The following MYO5A variants were observed in gnomAD, a reference collection of about 807,000 sequenced individuals.
The protein encoded by MYO5A is myosin VA.
MYO5A carries 98 observed loss-of-function variants against 249.7 expected under a neutral mutation model. The observed-to-expected ratio is 0.39, with a 90% CI of 0.33 to 0.46. The LOEUF is 0.46. MYO5A is among the 20% of genes least tolerant of loss of function. The probability of loss-of-function intolerance (pLI) is 0.98; values close to 1 mark genes in which losing one functional copy is unlikely to be tolerated. For synonymous variants in MYO5A, 778 were observed against 810.6 expected (o/e 0.96, Z 0.68); for missense variants, 1,696 against 2,308.8 (o/e 0.73, Z 5.44).
At chr15:52,422,055 T>C (rs1267988213) in intron 4 of MYO5A, among the ~76,000 whole-genome samples, 1 of 152,104 alleles carries the variant, frequency 6.6e-6, no homozygotes, top group East Asian at 1.9e-4. Context: ...AAAATCCTAG[T>C]TACAGCATGA....
At position 52,309,995 on chromosome 15, in the gene MYO5A, T is replaced by C. The variant is rs1442030665; in HGVS notation, c.*3701A>G. The C allele has an allele frequency of 6.6e-6, 1 of 152,176 alleles. No individual in the cohort carries two copies. Among genetic ancestry groups the C allele is most frequent in the African/African-American group, 2.4e-5 (1 of 41,418 alleles). 9.4% of individuals were successfully genotyped at this position (152,176 alleles called of 1,614,324 possible). A position where few individuals can be genotyped will look rare whatever the true frequency, so the allele number is the denominator to read the frequency against. ...GCACTGAAATTATAATAATATAGTA[T>C]TTTCATAGCCTCCCCTAACATGTAG... On this transcript the variant is annotated 3_prime_UTR_variant, in exon 42 of 42. Coordinates refer to ENST00000399233, the MANE Select transcript of MYO5A (RefSeq NM_001382347.1).
rs1219096004 is a variant in MYO5A, at chr15:52,462,182, C to T, written c.28-28897G>A. 6.0e-5 allele frequency among the ~76,000 whole-genome samples: 9 copies of T among 151,090 alleles called. No homozygotes were observed. The East Asian group carries it at 1.2e-3, about 20-fold the overall frequency. ...TCAGGAGGCTGAGGCAGGAGAATGGCGTGAACCCAGGAGGCAGAGCTTGCA... is the reference window on the plus strand; with the variant it reads ...TCAGGAGGCTGAGGCAGGAGAATGGTGTGAACCCAGGAGGCAGAGCTTGCA... On this transcript the variant is annotated intron_variant, in intron 1 of 41. Transcript: ENST00000399233.
chr15:52,370,528 T>A, intron 21 of MYO5A, 111 bp from the exon 22 acceptor site: 1 of 1,212,512 alleles, frequency 8.2e-7, no homozygotes, highest in Non-Finnish European at 1.2e-6. Context: ...ATAACATTGA[T>A]ATAGTATCCA....
rs1567036709 is a variant in MYO5A, at chr15:52,343,183, T to C, written c.3974A>G (p.Asp1325Gly). 6.2e-7 allele frequency: 1 copy of C among 1,613,814 alleles called. No individual in the cohort carries two copies. Among genetic ancestry groups the C allele is most frequent in the South Asian group, 1.1e-5 (1 of 91,082 alleles). Residue 1325 changes from aspartate to glycine, a missense_variant, in exon 31 of 42, where the codon GAT becomes GGT. Coordinates refer to ENST00000399233, the MANE Select transcript of MYO5A (RefSeq NM_001382347.1). The part of the protein sequence containing the change: ...LKETNRSSAL[D>G]YHELNEDGEL... ...TCCATCCTCATTCAACTCATGGTAATCCAGAGCAGATGATCTTCCATGCAA... is the reference window on the plus strand; with the variant it reads ...TCCATCCTCATTCAACTCATGGTAACCCAGAGCAGATGATCTTCCATGCAA...
chr15:52,385,496 G>A (rs1012870206), intron 14 of MYO5A, among the ~76,000 whole-genome samples: 1 of 151,960 alleles, frequency 6.6e-6, no homozygotes, highest in Admixed American at 6.6e-5. Context: ...TATTAGATGT[G>A]GCCACAGAAG....
chr15:52,485,410 T>G (rs938014830), intron 1 of MYO5A, among the ~76,000 whole-genome samples: 1 of 152,170 alleles, frequency 6.6e-6, no homozygotes, highest in African/African-American at 2.4e-5. Flanking sequence ...AGAGTTCAAG[T>G]TTTCCGTCAC....
chr15:52,331,192 T>A (rs1461146243), intron 34 of MYO5A, among the ~76,000 whole-genome samples: 2 of 152,106 alleles, frequency 1.3e-5, no homozygotes, highest in East Asian at 3.8e-4. Flanking sequence ...AATGTTATTA[T>A]TTTTTATTTC....
In MYO5A at chr15:52,379,681, C is replaced by G; in HGVS notation, c.2152G>C (p.Asp718His). The G allele has an allele frequency of 6.2e-7, 1 of 1,614,206 alleles. No individual in the cohort carries two copies. The highest frequency in any genetic ancestry group is 2.2e-5 in the East Asian group (1 of 44,890). The change falls in exon 18 of 42, where the codon GAT becomes CAT. Residue 718 changes from aspartate to histidine, a missense_variant. By Grantham distance (81) the Asp-to-His change is moderately conservative (BLOSUM62 -1). Transcript: ENST00000399233. Reference protein sequence around the residue: ...SRYRVLMKQKDVLSDRKQTCK... With the variant: ...SRYRVLMKQKHVLSDRKQTCK... ...GTTTGCTTTCTGTCACTCAGCACAT[C>G]TTTCTGCTTCATTAGGACACGGTAG...
rs1395308887 is a variant in MYO5A, at chr15:52,383,143, T to C, written c.1960A>G (p.Thr654Ala). The part of the protein sequence containing the change: ...HLLMETLNAT[T>A]PHYVRCIKPN... The stretch of plus-strand genomic sequence containing the variant: ...TTGATACAGCGCACATAGTGAGGGG[T>C]AGTGGCATTGAGTGTCTCCATAAGC... Residue 654 changes from threonine to alanine, a missense_variant, in exon 16 of 42, where the codon ACC (threonine) becomes GCC (alanine). Transcript: ENST00000399233. 1.9e-6 allele frequency: 3 copies of C among 1,613,900 alleles called. No individual in the cohort carries two copies. Among genetic ancestry groups the C allele is most frequent in the African/African-American group, 2.7e-5 (2 of 74,874 alleles).
Position 52,313,802 on chromosome 15 carries a change from G to A in MYO5A, c.5537C>T (p.Ala1846Val). 1 of 1,614,078 alleles carries A rather than the reference G, an allele frequency of 6.2e-7. No individual in the cohort carries two copies. The highest frequency in any genetic ancestry group is 8.5e-7 in the Non-Finnish European group (1 of 1,179,984). ...RKDSPQLLMD[A>V]KHIFPVTFPF... ...AAAGGTGACAGGAAAGATGTGTTTA[G>A]CATCCATGAGCAGCTGGGGAGAGTC... The change falls in exon 42 of 42, where the codon GCT becomes GTT. Residue 1846 changes from alanine to valine, a missense_variant. Coordinates refer to ENST00000399233, the MANE Select transcript of MYO5A (RefSeq NM_001382347.1).
chr15:52,412,002 A>T (rs1303946110), intron 5 of MYO5A, among the ~76,000 whole-genome samples: 1 of 152,244 alleles, frequency 6.6e-6, no homozygotes, highest in Non-Finnish European at 1.5e-5. Context: ...ATTACAAAAC[A>T]CCACAGCAAA....
intron 39 of MYO5A, among the ~76,000 whole-genome samples, chr15:52,318,431 G>A (rs2038128669): frequency 6.9e-6 from 1 of 144,054 alleles, no homozygotes; most frequent in South Asian, 2.2e-4. Context: ...ACTCCAGCCT[G>A]GGCAACAAGA....
intron 1 of MYO5A, among the ~76,000 whole-genome samples, chr15:52,517,695 G>A (rs968676546): frequency 6.6e-6 from 1 of 152,124 alleles, no homozygotes; most frequent in Non-Finnish European, 1.5e-5. Flanking sequence ...TGGGCAACAA[G>A]AGCGAAACTC....
At chr15:52,351,187 G>A in intron 28 of MYO5A, 67 bp downstream of exon 28, 1 of 1,200,646 alleles carries the variant, frequency 8.3e-7, no homozygotes, top group Non-Finnish European at 1.2e-6. Flanking sequence ...ATAAACTGGA[G>A]GGAAGGGATA....
chr15:52,410,724 C>T (rs1400321790), intron 5 of MYO5A, among the ~76,000 whole-genome samples: 8 of 151,896 alleles, frequency 5.3e-5, no homozygotes, highest in Non-Finnish European at 1.0e-4. Flanking sequence ...ATTACAGGCA[C>T]ATGCCACCAC....
chr15:52,498,526 C>A (rs934641821), intron 1 of MYO5A, among the ~76,000 whole-genome samples: 1 of 151,992 alleles, frequency 6.6e-6, no homozygotes, highest in Non-Finnish European at 1.5e-5. Flanking sequence ...TAAAAAAAAA[C>A]CTCTTCATTT....
intron 40 of MYO5A, among the ~76,000 whole-genome samples, chr15:52,315,398 C>CT (rs67694030): frequency 0.055 from 8,072 of 146,082 alleles, 283 homozygotes; most frequent in South Asian, 0.16. Flanking sequence ...TACTGATTGA[C>CT]TTTTTTTTTT....
At position 52,373,089 on chromosome 15, in the gene MYO5A, G is replaced by A. The variant is rs376404876; in HGVS notation, c.2578-726C>T. On this transcript the variant is annotated intron_variant, in intron 20 of 41. Coordinates refer to ENST00000399233, the MANE Select transcript of MYO5A (RefSeq NM_001382347.1). ...ACTTTTGGGATTCAAAGGTAGGAGG[G>A]ATGGGGCTTTAAAATGAAAGGTAAA... Among the ~76,000 whole-genome samples the A allele has an allele frequency of 5.3e-5, 8 of 152,170 alleles. No homozygotes were observed. The East Asian group carries it at 1.2e-3, about 22-fold the overall frequency.
intron 13 of MYO5A, among the ~76,000 whole-genome samples, chr15:52,388,871 C>A (rs577988502): frequency 6.6e-5 from 10 of 151,988 alleles, no homozygotes; most frequent in African/African-American, 2.4e-4. Context: ...CAATGATCTA[C>A]AACAAAACAT....
Sources: allele counts gnomAD v4.1 joint callset (sites outside exome capture counted in the v4.1 genomes callset), GRCh38; gene constraint gnomAD v4.1.1; transcripts MANE v1.5; gene names NCBI Gene and HGNC (gene_info 2026-07-23, HGNC 2026-07-21).